EML6: variants seen among roughly 807,000 people sequenced by gnomAD.
EML6 encodes EMAP like 6.
A neutral mutation model predicts 240.1 loss-of-function variants in EML6; 154 were observed. The ratio of observed to expected loss-of-function variants is 0.64; its 90% CI spans 0.56 to 0.73. EML6 has a LOEUF of 0.73. Among genes scored for constraint, EML6 ranks in the 30% least tolerant of loss-of-function variants. The probability of loss-of-function intolerance (pLI) is 0.00; values close to 1 mark genes in which losing one functional copy is unlikely to be tolerated. For missense variants in EML6, 2,964 were observed against 2,474.6 expected, an observed-to-expected ratio of 1.20 and a Z score of -4.20; for synonymous variants, 1,148 against 899.0, an observed-to-expected ratio of 1.28 and a Z score of -4.95.
chr2:54,790,560 C>A (rs1049387201), intron 2 of EML6, among the ~76,000 whole-genome samples: 19 of 152,174 alleles, frequency 1.2e-4, no homozygotes, highest in African/African-American at 3.4e-4. Flanking sequence ...CATTCAGATA[C>A]CAGCATTTGG....
intron 9 of EML6, among the ~76,000 whole-genome samples, chr2:54,848,975 G>A (rs913774884): frequency 1.3e-5 from 2 of 152,100 alleles, no homozygotes; most frequent in Admixed American, 1.3e-4. Flanking sequence ...GTTTCTTAAA[G>A]TATAAAAAAG....
intron 28 of EML6, among the ~76,000 whole-genome samples, chr2:54,939,000 C>A (rs889611959): frequency 3.9e-5 from 6 of 152,168 alleles, no homozygotes; most frequent in African/African-American, 1.4e-4. Flanking sequence ...TCTGTGAAAG[C>A]AAAATTTCTG....
At chr2:54,927,809 C>T (rs755462636) in intron 26 of EML6, among the ~76,000 whole-genome samples, 22 of 152,344 alleles carry the variant, frequency 1.4e-4, no homozygotes, top group Non-Finnish European at 1.3e-4. Flanking sequence ...TTCTTTCTAG[C>T]GTCTGTGGCA....
chr2:54,950,640 G>A lies in EML6; in HGVS notation c.4084-10G>A, dbSNP rs1675927899. 2 of 1,551,530 alleles carry A rather than the reference G, an allele frequency of 1.3e-6. No homozygotes were observed. The highest frequency in any genetic ancestry group is 2.4e-5 in the East Asian group (1 of 40,922). The stretch of plus-strand genomic sequence containing the variant: ...CTGAGGGTCACATTGATCTGTGTGT[G>A]TGAATGCAGGAGCTGGCTCTAGACC... On this transcript the variant is annotated splice_polypyrimidine_tract_variant and intron_variant, in intron 29 of 41. Coordinates refer to ENST00000356458, the MANE Select transcript of EML6 (RefSeq NM_001039753.4).
chr2:54,781,918 C>A (rs1223736735), intron 2 of EML6, among the ~76,000 whole-genome samples: 1 of 152,192 alleles, frequency 6.6e-6, no homozygotes, highest in Non-Finnish European at 1.5e-5. Flanking sequence ...ATCTGCCCAC[C>A]TTGGCCTCCC....
chr2:54,962,687 C>T lies in EML6; in HGVS notation c.5133C>T (p.Ala1711=). 2 of 1,504,698 alleles carry T rather than the reference C, an allele frequency of 1.3e-6. No individual in the cohort carries two copies. The highest frequency in any genetic ancestry group is 1.3e-5 in the South Asian group (1 of 76,442). The allele number at this position is 1,504,698 out of a possible 1,614,324, so 93.2% of individuals were successfully genotyped here. ...TCTCTGCCAGCAACGATGGCACAGCCCGGATCTGGGACCTGGCTGACAAGG... is the reference window on the plus strand; with the variant it reads ...TCTCTGCCAGCAACGATGGCACAGCTCGGATCTGGGACCTGGCTGACAAGG... ...LFISASNDGT[A]RIWDLADKKL... is the part of the protein sequence containing the mutation. Residue 1711 remains alanine, a synonymous_variant, in exon 36 of 42, where the codon GCC becomes GCT. Transcript: ENST00000356458.
intron 37 of EML6, 78 bp downstream of exon 37, chr2:54,964,236 C>G: frequency 7.0e-7 from 1 of 1,437,632 alleles, no homozygotes. Flanking sequence ...CCAGCCACGG[C>G]TGGAATAAAG....
intron 28 of EML6, among the ~76,000 whole-genome samples, chr2:54,943,109 C>A (rs1337590305): frequency 6.6e-6 from 1 of 152,216 alleles, no homozygotes; most frequent in East Asian, 1.9e-4. Context: ...TCTCAGCAGT[C>A]ATCCAGGTTT....
intron 26 of EML6, among the ~76,000 whole-genome samples, chr2:54,917,991 A>G (rs1384107949): frequency 6.6e-6 from 1 of 152,244 alleles, no homozygotes; most frequent in Non-Finnish European, 1.5e-5. Context: ...AAATCAAACT[A>G]AAATGGCATT....
chr2:54,725,964 C>A lies in EML6; in HGVS notation c.197+706C>A, dbSNP rs1572825042. 6.6e-6 allele frequency among the ~76,000 whole-genome samples: 1 copy of A among 152,194 alleles called. No individual in the cohort carries two copies. The highest frequency in any genetic ancestry group is 1.5e-5 in the Non-Finnish European group (1 of 68,026). The stretch of plus-strand genomic sequence containing the variant: ...CCCAAGACTGACTGACAGGAGAGCT[C>A]ATTTGGATGAATGGCCGTTTTAGGG... On this transcript the variant is annotated intron_variant, in intron 2 of 41. Coordinates refer to ENST00000356458, the MANE Select transcript of EML6 (RefSeq NM_001039753.4). This position sits in a 1 kb window ranked among gnomAD's most constrained non-coding sequence, Gnocchi z 4.3.
intron 5 of EML6, among the ~76,000 whole-genome samples, chr2:54,822,920 A>G (rs1265147654): frequency 6.6e-6 from 1 of 152,228 alleles, no homozygotes; most frequent in Non-Finnish European, 1.5e-5. Context: ...AGGGCTTCAT[A>G]AACATTTAAT....
At chr2:54,820,687 C>G (rs1668292686) in intron 5 of EML6, among the ~76,000 whole-genome samples, 1 of 152,090 alleles carries the variant, frequency 6.6e-6, no homozygotes, top group South Asian at 2.1e-4. Flanking sequence ...CCGCAGGCAG[C>G]TGAAAAGGAA....
In EML6 at chr2:54,866,877, A is replaced by G. The variant is rs1423707498; in HGVS notation, c.2044A>G (p.Ile682Val). ...APEDSLKLQF[I>V]HGYRGYDCRN... ...TGAGGACAGCTTGAAACTCCAGTTC[A>G]TACACGGGTGGGTGGCCTGTCATGG... Residue 682 changes from isoleucine (I) to valine (V), a missense_variant, in exon 14 of 42, where the codon ATA becomes GTA. Physicochemically the swap from Ile to Val is conservative, Grantham distance 29. Transcript: ENST00000356458. The G allele has an allele frequency of 1.9e-6, 3 of 1,547,260 alleles. No individual in the cohort carries two copies. In the East Asian group the frequency reaches 7.3e-5, roughly 38 times the overall value.
chr2:54,901,205 T>G (rs989455764), intron 22 of EML6, among the ~76,000 whole-genome samples: 1 of 152,158 alleles, frequency 6.6e-6, no homozygotes, highest in Admixed American at 6.5e-5. Context: ...GTTTGCACAT[T>G]TAGTAGGTAA....
At chr2:54,908,479 A>C (rs1451239189) in intron 24 of EML6, among the ~76,000 whole-genome samples, 3 of 152,188 alleles carry the variant, frequency 2.0e-5, no homozygotes, top group Non-Finnish European at 4.4e-5. Flanking sequence ...TTTATTGGAA[A>C]GATACGGAGA....
At chr2:54,926,994 C>A (rs577752702) in intron 26 of EML6, among the ~76,000 whole-genome samples, 1 of 152,222 alleles carries the variant, frequency 6.6e-6, no homozygotes, top group South Asian at 2.1e-4. Context: ...GGATGTGCTC[C>A]TGCTTCCAGC....
At chr2:54,743,234 G>T (rs1399654197) in intron 2 of EML6, among the ~76,000 whole-genome samples, 1 of 152,216 alleles carries the variant, frequency 6.6e-6, no homozygotes, top group East Asian at 1.9e-4. Context: ...TTGCACTCAT[G>T]TAGCACTCAT....
rs113675711 is a variant in EML6, at chr2:54,750,542, AC to A, written c.197+25285del. 3.6e-3 allele frequency among the ~76,000 whole-genome samples: 550 copies of A among 152,322 alleles called. 5 individuals are homozygous for A. The highest frequency in any genetic ancestry group is 0.013 in the African/African-American group (522 of 41,566). On this transcript the variant is annotated intron_variant, in intron 2 of 41. Coordinates refer to ENST00000356458, the MANE Select transcript of EML6 (RefSeq NM_001039753.4). ...TAGATTGGTGCTGACATCAGAGCCT[AC>A]AGGGACTCAGATGACTGTCAGTAGT...
At chr2:54,898,816 T>C (rs1672904965) in intron 21 of EML6, among the ~76,000 whole-genome samples, 1 of 152,240 alleles carries the variant, frequency 6.6e-6, no homozygotes, top group South Asian at 2.1e-4. Context: ...GTTTTATTGC[T>C]CTGTAGCACT....
Sources: gnomAD v4.1 joint callset for allele counts (sites outside exome capture counted in the v4.1 genomes callset) on GRCh38, gnomAD v4.1.1 for gene constraint, Gnocchi (gnomAD v3.1) non-coding constraint, MANE v1.5 for transcripts, NCBI Gene and HGNC (gene_info 2026-07-23, HGNC 2026-07-21) for gene names.